The following RIT2 variants were observed in gnomAD, a reference collection of about 807,000 sequenced individuals.
The protein encoded by RIT2 is Ras like without CAAX 2.
A neutral mutation model predicts 23.7 loss-of-function variants in RIT2; 24 were observed. The ratio of observed to expected loss-of-function variants is 1.01; its 90% CI spans 0.73 to 1.43. The LOEUF (loss-of-function observed/expected upper bound fraction) is 1.43. Among genes scored for constraint, RIT2 ranks in the 40% most tolerant of loss-of-function variants. RIT2 has a pLI of 0.00. For synonymous variants in RIT2, 107 were observed against 91.1 expected (o/e 1.17, Z -0.99); for missense variants, 236 against 266.9 (o/e 0.88, Z 0.81).
At chr18:42,757,366 G>C (rs960450847) in intron 4 of RIT2, among the ~76,000 whole-genome samples, 1 of 152,118 alleles carries the variant, frequency 6.6e-6, no homozygotes, top group Non-Finnish European at 1.5e-5. Flanking sequence ...GGAATCTAGG[G>C]ACCAGAGTAG....
chr18:43,026,518 C>T (rs1911721853), intron 2 of RIT2, among the ~76,000 whole-genome samples: 1 of 146,742 alleles, frequency 6.8e-6, no homozygotes, highest in South Asian at 2.1e-4. Context: ...CACACCATTG[C>T]ACTCCAGCCT....
intron 1 of RIT2, among the ~76,000 whole-genome samples, chr18:43,053,070 A>G (rs1912421025): frequency 6.6e-6 from 1 of 152,066 alleles, no homozygotes; most frequent in African/African-American, 2.4e-5. Context: ...TATGTTCTTC[A>G]TCCTCTTACC....
At chr18:42,885,458 C>T (rs548260612) in intron 4 of RIT2, among the ~76,000 whole-genome samples, 17 of 152,062 alleles carry the variant, frequency 1.1e-4, no homozygotes, top group Admixed American at 4.6e-4. Context: ...TGGTGGCGGG[C>T]GCCTGTAGTC....
At chr18:42,859,580 G>A (rs1907273558) in intron 4 of RIT2, among the ~76,000 whole-genome samples, 1 of 151,992 alleles carries the variant, frequency 6.6e-6, no homozygotes, top group South Asian at 2.1e-4. Context: ...ATAAATCCTA[G>A]TTTTTTTCTT....
chr18:43,002,212 G>C (rs1389264004), intron 2 of RIT2, among the ~76,000 whole-genome samples: 1 of 151,836 alleles, frequency 6.6e-6, no homozygotes, highest in East Asian at 2.0e-4. Context: ...AATGTTTGAG[G>C]GCAGGAAGGA....
chr18:43,089,616 T>C (rs1329139056), intron 1 of RIT2, among the ~76,000 whole-genome samples: 1 of 150,198 alleles, frequency 6.7e-6, no homozygotes, highest in Non-Finnish European at 1.5e-5. Flanking sequence ...GCTGGAGGTG[T>C]CATGCTACCC....
intron 1 of RIT2, among the ~76,000 whole-genome samples, chr18:43,111,297 G>A (rs1913947149): frequency 6.6e-6 from 1 of 152,138 alleles, no homozygotes; most frequent in Admixed American, 6.5e-5. Context: ...CCAGAGGCTG[G>A]AAAGGGTAGT....
At chr18:42,933,998 C>T (rs1216184186) in intron 3 of RIT2, among the ~76,000 whole-genome samples, 3 of 128,486 alleles carry the variant, frequency 2.3e-5, no homozygotes, top group Non-Finnish European at 3.1e-5. Flanking sequence ...AGCCTGGTGA[C>T]AGAGCAAGAC....
chr18:42,997,577 A>G (rs1442509203), intron 2 of RIT2, among the ~76,000 whole-genome samples: 5 of 152,030 alleles, frequency 3.3e-5, no homozygotes, highest in African/African-American at 7.2e-5. Context: ...GACACAGCTA[A>G]TGATGCTAAT....
chr18:43,044,647 T>C (rs1230786106), intron 1 of RIT2, among the ~76,000 whole-genome samples: 2 of 152,166 alleles, frequency 1.3e-5, no homozygotes, highest in African/African-American at 4.8e-5. Context: ...TACCTTTCTA[T>C]AGGTGTGTGG....
chr18:43,096,418 C>A (rs1035137459), intron 1 of RIT2, among the ~76,000 whole-genome samples: 2 of 151,620 alleles, frequency 1.3e-5, no homozygotes, highest in African/African-American at 2.4e-5. Context: ...GAAGAGTACA[C>A]CATGTGTATA....
intron 3 of RIT2, among the ~76,000 whole-genome samples, chr18:42,950,811 T>A (rs1598727408): frequency 6.6e-6 from 1 of 151,018 alleles, no homozygotes; most frequent in East Asian, 2.0e-4. Context: ...AAAAAAATGC[T>A]CCACATCACT....
At chr18:42,853,222 T>C (rs1182440172) in intron 4 of RIT2, among the ~76,000 whole-genome samples, 1 of 152,216 alleles carries the variant, frequency 6.6e-6, no homozygotes, top group African/African-American at 2.4e-5. Context: ...TCAATTGATA[T>C]AAAAATGATC....
chr18:42,871,193 C>A (rs1176414242), intron 4 of RIT2, among the ~76,000 whole-genome samples: 7 of 152,166 alleles, frequency 4.6e-5, no homozygotes, highest in South Asian at 2.1e-4. Context: ...CTCTCTTAAC[C>A]CTGTTGCATT....
At position 42,918,789 on chromosome 18, in the gene RIT2, A is replaced by G. The variant is rs1021679576; in HGVS notation, c.426+4783T>C. Among the ~76,000 whole-genome samples the G allele has an allele frequency of 4.6e-5, 7 of 151,864 alleles. 1 individual carries two copies. The highest frequency in any genetic ancestry group is 3.9e-4 in the Admixed American group (6 of 15,218). On this transcript the variant is annotated intron_variant, in intron 4 of 4. Coordinates refer to ENST00000326695, the MANE Select transcript of RIT2 (RefSeq NM_002930.4). ...AGTGATCACTCTACTGCTTGTGTAC[A>G]CTCCTAAGACCCAAGGTTTCTTTCT...
chr18:42,761,753 G>A lies in RIT2; in HGVS notation c.427-18033C>T, dbSNP rs149024389. 6.7e-3 allele frequency among the ~76,000 whole-genome samples: 1,016 copies of A among 152,252 alleles called. 11 individuals are homozygous for A. Among genetic ancestry groups the A allele is most frequent in the African/African-American group, 0.023 (973 of 41,538 alleles). ...AGTGCAGTGGCACGATCTTGGCTCA[G>A]TACAACCTTTGCCTCCCAGGTTCAA... is the stretch of plus-strand genomic sequence containing the variant. On this transcript the variant is annotated intron_variant, in intron 4 of 4. Coordinates refer to ENST00000326695, the MANE Select transcript of RIT2 (RefSeq NM_002930.4).
chr18:43,100,748 C>G (rs1242158710), intron 1 of RIT2, among the ~76,000 whole-genome samples: 5 of 152,034 alleles, frequency 3.3e-5, no homozygotes, highest in Non-Finnish European at 7.4e-5. Context: ...TGGACCTGCA[C>G]AATTGGAAAG....
In RIT2 at chr18:43,049,048, C is replaced by T. The variant is rs529380228; in HGVS notation, c.104-15181G>A. On this transcript the variant is annotated intron_variant, in intron 1 of 4. Coordinates refer to ENST00000326695, the MANE Select transcript of RIT2 (RefSeq NM_002930.4). ...ACTTGGTTAGGGTTGTTTTCTGTTG[C>T]TAGCTCTTCTTAATACATAAATTGT... 2.6e-5 allele frequency among the ~76,000 whole-genome samples: 4 copies of T among 152,246 alleles called. No individual in the cohort carries two copies. In the South Asian group the frequency reaches 8.3e-4, roughly 32 times the overall value.
chr18:42,940,249 T>TATATATATATATATATGC (rs1555648060), intron 3 of RIT2, among the ~76,000 whole-genome samples: 3 of 132,898 alleles, frequency 2.3e-5, no homozygotes, highest in Admixed American at 2.2e-4. Flanking sequence ...TATATATATA[T>TATATATATATATATATGC]ATATATATAT....
Sources: gnomAD v4.1 joint callset for allele counts (sites outside exome capture counted in the v4.1 genomes callset) on GRCh38, gnomAD v4.1.1 for gene constraint, MANE v1.5 for transcripts, NCBI Gene and HGNC (gene_info 2026-07-23, HGNC 2026-07-21) for gene names.